LPP: variants seen among roughly 807,000 people sequenced by gnomAD.
LPP encodes the protein lipoma-preferred partner.
In LPP, 38 loss-of-function variants were observed where a neutral mutation model predicts 60.4. That is an observed-to-expected ratio of 0.63 (90% CI 0.49 to 0.83). LPP has a LOEUF of 0.83. Among genes scored for constraint, LPP ranks in the 40% least tolerant of loss-of-function variants. The probability of loss-of-function intolerance (pLI) is 0.00; values close to 1 mark genes in which losing one functional copy is unlikely to be tolerated. For missense variants in LPP, 902 were observed against 783.6 expected (o/e 1.15, Z -1.80); for synonymous variants, 328 against 290.8 (o/e 1.13, Z -1.30).
chr3:188,769,982 T>C (rs570221681), intron 9 of LPP, among the ~76,000 whole-genome samples: 1 of 152,246 alleles, frequency 6.6e-6, no homozygotes, highest in Non-Finnish European at 1.5e-5. Flanking sequence ...TGCCAGAGTT[T>C]GGATGAATGT....
chr3:188,511,282 CCCTCCCTTCCTTCCCTCCCTGCCTT>C (rs1314789573), intron 5 of LPP, among the ~76,000 whole-genome samples: 3 of 92,478 alleles, frequency 3.2e-5, no homozygotes, highest in Admixed American at 2.4e-4. Flanking sequence ...TCCCTCCCTT[CCCTCCCTTCCTTCCCTCCCTGCCTT>C]CCTCCCTCCC....
chr3:188,674,445 G>A (rs1857570442), intron 7 of LPP, among the ~76,000 whole-genome samples: 1 of 152,126 alleles, frequency 6.6e-6, no homozygotes, highest in South Asian at 2.1e-4. Flanking sequence ...TGGGTATAGA[G>A]TCACGCCTTT....
chr3:188,619,278 G>C (rs1039605010), intron 7 of LPP, among the ~76,000 whole-genome samples: 8 of 152,192 alleles, frequency 5.3e-5, no homozygotes, highest in Non-Finnish European at 8.8e-5. Context: ...ACTCACCTTG[G>C]CCTCCCAAAG....
chr3:188,522,809 ATATATATGTGTATGTGTG>A (rs2094788194), intron 5 of LPP, among the ~76,000 whole-genome samples: 1 of 115,194 alleles, frequency 8.7e-6, no homozygotes, highest in African/African-American at 3.0e-5. Flanking sequence ...ATATATATAT[ATATATATGTGTATGTGTG>A]TGTGTATGTG....
intron 1 of LPP, among the ~76,000 whole-genome samples, chr3:188,161,173 T>TTTA (rs1467622175): frequency 4.6e-5 from 7 of 151,878 alleles, no homozygotes; most frequent in Non-Finnish European, 1.0e-4. Flanking sequence ...CAGGAAGGCT[T>TTTA]TTATTATTAT....
intron 7 of LPP, among the ~76,000 whole-genome samples, chr3:188,639,496 A>G (rs1849592770): frequency 6.6e-6 from 1 of 151,988 alleles, no homozygotes; most frequent in African/African-American, 2.4e-5. Context: ...CAATGGCAAC[A>G]AAGGACAAAA....
intron 3 of LPP, among the ~76,000 whole-genome samples, chr3:188,375,367 T>C (rs1468026967): frequency 6.6e-6 from 1 of 152,234 alleles, no homozygotes; most frequent in Non-Finnish European, 1.5e-5. Context: ...AGCTATTGAT[T>C]ATTGCCTCAA....
chr3:188,803,098 G>A (rs901415415), intron 9 of LPP, among the ~76,000 whole-genome samples: 2 of 139,786 alleles, frequency 1.4e-5, no homozygotes, highest in South Asian at 2.3e-4. Flanking sequence ...AGGCTAGAGT[G>A]TAGTGGCACA....
chr3:188,361,395 C>T lies in LPP; in HGVS notation c.-10+19676C>T, dbSNP rs553935573. Among the ~76,000 whole-genome samples, 5 of 151,972 alleles carry T rather than the reference C, an allele frequency of 3.3e-5. No homozygotes were observed. In the East Asian group the frequency reaches 9.7e-4, roughly 30 times the overall value. ...ACAAAAATGCCTAAAAGGGTGCATT[C>T]TCTAGGTTTTTTCCTTCTTTCATTC... On this transcript the variant is annotated intron_variant, in intron 3 of 11. Transcript: ENST00000617246.
At chr3:188,156,901 A>G (rs1716656382) in intron 1 of LPP, among the ~76,000 whole-genome samples, 1 of 150,832 alleles carries the variant, frequency 6.6e-6, no homozygotes, top group South Asian at 2.1e-4. Flanking sequence ...CATTTACTCG[A>G]CATAGGTTAC....
chr3:188,795,710 G>A (rs762115219), intron 9 of LPP, among the ~76,000 whole-genome samples: 7 of 150,658 alleles, frequency 4.6e-5, no homozygotes, highest in Admixed American at 1.3e-4. Context: ...CATCATCATC[G>A]TCATCATCAT....
chr3:188,607,116 GACACACAC>G (rs34057522), intron 6 of LPP, among the ~76,000 whole-genome samples: 7,260 of 129,502 alleles, frequency 0.056, 267 homozygotes, highest in African/African-American at 0.092. Context: ...TCTTGGTGAA[GACACACAC>G]ACACACACAC....
chr3:188,155,253 C>A (rs1715897267), intron 1 of LPP, among the ~76,000 whole-genome samples: 1 of 152,014 alleles, frequency 6.6e-6, no homozygotes, highest in Non-Finnish European at 1.5e-5. Flanking sequence ...CACTGCTTTC[C>A]CTCCCCCAAC....
chr3:188,828,166 AC>A (rs1335535041), intron 9 of LPP, among the ~76,000 whole-genome samples: 1 of 152,076 alleles, frequency 6.6e-6, no homozygotes, highest in Admixed American at 6.5e-5. Flanking sequence ...TCTAGTGGGG[AC>A]ACAATAAACA....
chr3:188,261,196 T>A (rs1733497668), intron 2 of LPP, among the ~76,000 whole-genome samples: 1 of 152,244 alleles, frequency 6.6e-6, no homozygotes. Flanking sequence ...TCATCCAGGC[T>A]GGAATGCAGC....
At chr3:188,538,840 C>T (rs1382747837) in intron 6 of LPP, among the ~76,000 whole-genome samples, 1 of 151,924 alleles carries the variant, frequency 6.6e-6, no homozygotes, top group Non-Finnish European at 1.5e-5. Context: ...TTGAATATTA[C>T]TCAGCCATAA....
chr3:188,888,868 C>G lies in LPP; in HGVS notation c.*14389C>G. On this transcript the variant is annotated 3_prime_UTR_variant, in exon 12 of 12. Coordinates refer to ENST00000617246, the MANE Select transcript of LPP (RefSeq NM_001375462.1). The stretch of plus-strand genomic sequence containing the variant: ...TGATACAGCTTCTTTATATTTATAT[C>G]CTACTGGATGGTAGCATATTGCTAA... The G allele has an allele frequency of 4.5e-6, 1 of 220,260 alleles. No homozygotes were observed. Among genetic ancestry groups the G allele is most frequent in the Non-Finnish European group, 9.1e-6 (1 of 109,718 alleles). 13.6% of individuals were successfully genotyped at this position (220,260 alleles called of 1,614,324 possible). A position where few individuals can be genotyped will look rare whatever the true frequency, so the allele number is the denominator to read the frequency against.
intron 1 of LPP, among the ~76,000 whole-genome samples, chr3:188,189,831 G>A (rs910490923): frequency 6.6e-6 from 1 of 152,066 alleles, no homozygotes; most frequent in Non-Finnish European, 1.5e-5. Context: ...AAAGAGGGGG[G>A]TGCTGACACT....
chr3:188,722,351 A>C (rs1285225807), intron 8 of LPP, among the ~76,000 whole-genome samples: 1 of 152,184 alleles, frequency 6.6e-6, no homozygotes, highest in Non-Finnish European at 1.5e-5. Flanking sequence ...TATGTGAGTG[A>C]TATTAGTGTG....
Sources: gnomAD v4.1 joint callset for allele counts (sites outside exome capture counted in the v4.1 genomes callset) on GRCh38, gnomAD v4.1.1 for gene constraint, MANE v1.5 for transcripts, NCBI Gene and HGNC (gene_info 2026-07-23, HGNC 2026-07-21) for gene names.